LRP1B: variants seen among roughly 807,000 people sequenced by gnomAD.
LRP1B encodes LDL receptor related protein 1B.
A neutral mutation model predicts 556.6 loss-of-function variants in LRP1B; 217 were observed. The ratio of observed to expected loss-of-function variants is 0.39; its 90% CI spans 0.35 to 0.44. LRP1B has a LOEUF of 0.44. Ranked by LOEUF, LRP1B falls within the 20% of genes least tolerant of loss-of-function variation. The pLI is 1.00. For synonymous variants in LRP1B, 2,047 were observed against 1,865.8 expected, an observed-to-expected ratio of 1.10 and a Z score of -2.50; for missense variants, 5,053 against 5,620.8, an observed-to-expected ratio of 0.90 and a Z score of 3.23.
At chr2:140,778,788 T>C (rs1689588415) in intron 32 of LRP1B, among the ~76,000 whole-genome samples, 1 of 152,120 alleles carries the variant, frequency 6.6e-6, no homozygotes. Flanking sequence ...TCTATTCTAA[T>C]GCCACATATA....
chr2:140,409,235 C>T (rs935053097), intron 66 of LRP1B, among the ~76,000 whole-genome samples: 2 of 151,654 alleles, frequency 1.3e-5, no homozygotes, highest in African/African-American at 4.8e-5. Flanking sequence ...ATAGGCATAA[C>T]TTATAGATGT....
In LRP1B at chr2:140,757,263, T is replaced by C. The variant is rs559578677; in HGVS notation, c.5758+11950A>G. Among the ~76,000 whole-genome samples the C allele has an allele frequency of 1.4e-4, 22 of 152,256 alleles. No individual in the cohort carries two copies. The South Asian group carries it at 1.7e-3, about 11-fold the overall frequency. Reference sequence around the variant, plus strand: ...TGGCGGTTCTTCCAAAGTTTGAACATAAACAGTTACCATACCTGTCAAGTT... The same window carrying C: ...TGGCGGTTCTTCCAAAGTTTGAACACAAACAGTTACCATACCTGTCAAGTT... On this transcript the variant is annotated intron_variant, in intron 35 of 90. Transcript: ENST00000389484.
intron 32 of LRP1B, among the ~76,000 whole-genome samples, chr2:140,792,255 T>C (rs762713026): frequency 6.6e-6 from 1 of 152,136 alleles, no homozygotes; most frequent in Admixed American, 6.5e-5. Flanking sequence ...ATAAATATCG[T>C]ATGCCTTTTC....
intron 6 of LRP1B, among the ~76,000 whole-genome samples, chr2:141,218,472 G>T (rs1682904744): frequency 6.6e-6 from 1 of 152,122 alleles, no homozygotes; most frequent in African/African-American, 2.4e-5. Context: ...ATGAAATCAT[G>T]TCCTTTGCAG....
intron 1 of LRP1B, among the ~76,000 whole-genome samples, chr2:141,892,976 GA>G (rs1474237776): frequency 1.3e-5 from 2 of 152,248 alleles, no homozygotes; most frequent in East Asian, 3.9e-4. Flanking sequence ...GTGATTGGAA[GA>G]AATGTTTTAA....
At chr2:141,150,463 A>G (rs1032106079) in intron 7 of LRP1B, among the ~76,000 whole-genome samples, 1 of 152,010 alleles carries the variant, frequency 6.6e-6, no homozygotes, top group African/African-American at 2.4e-5. Flanking sequence ...CCTTCACTCT[A>G]TTTGGTCATT....
chr2:142,031,330 A>ATCTTTTTTTTTTTTTTT (rs1553506158), intron 1 of LRP1B, among the ~76,000 whole-genome samples: 1 of 117,050 alleles, frequency 8.5e-6, no homozygotes, highest in African/African-American at 2.9e-5. Flanking sequence ...GATTATACTT[A>ATCTTTTTTTTTTTTTTT]TTTTTTTTTT....
intron 3 of LRP1B, among the ~76,000 whole-genome samples, chr2:141,275,503 G>A (rs1685251973): frequency 6.6e-6 from 1 of 152,106 alleles, no homozygotes; most frequent in Non-Finnish European, 1.5e-5. Context: ...GAGCCCAGGA[G>A]TTTGAGATCA....
rs191647796 is a variant in LRP1B at position 141,794,087 on chromosome 2, T to C, written c.205+16192A>G. Among the ~76,000 whole-genome samples the C allele has an allele frequency of 2.4e-3, 367 of 152,072 alleles. 2 individuals carry two copies. The highest frequency in any genetic ancestry group is 8.4e-3 in the African/African-American group (349 of 41,550). On this transcript the variant is annotated intron_variant, in intron 2 of 90. Transcript: ENST00000389484. ...TAGGTCATCTAATCATCAGCCTTTT[T>C]TAAATTCCCATCCTTAGAAGGAATA...
intron 2 of LRP1B, among the ~76,000 whole-genome samples, chr2:141,707,657 T>C (rs1311720477): frequency 6.6e-6 from 1 of 152,154 alleles, no homozygotes; most frequent in Non-Finnish European, 1.5e-5. Context: ...TTATTCAGTG[T>C]CTGCCACGTG....
chr2:140,367,474 C>T (rs767647353), intron 71 of LRP1B, among the ~76,000 whole-genome samples: 2 of 151,608 alleles, frequency 1.3e-5, no homozygotes, highest in Admixed American at 6.6e-5. Context: ...TGTGAGACTC[C>T]GACAATTGAA....
intron 2 of LRP1B, among the ~76,000 whole-genome samples, chr2:141,656,720 C>T (rs1215083793): frequency 1.3e-5 from 2 of 152,150 alleles, no homozygotes; most frequent in Admixed American, 6.6e-5. Flanking sequence ...TTAAAGTTTA[C>T]ATGAGCTGAG....
intron 1 of LRP1B, among the ~76,000 whole-genome samples, chr2:142,016,161 C>T (rs1238684158): frequency 3.3e-5 from 5 of 151,888 alleles, no homozygotes; most frequent in African/African-American, 9.7e-5. Flanking sequence ...GAATGGCGAT[C>T]ATTAAATAGT....
chr2:141,500,483 A>G (rs1467833095), intron 2 of LRP1B, among the ~76,000 whole-genome samples: 1 of 152,126 alleles, frequency 6.6e-6, no homozygotes. Flanking sequence ...ACATAGTACT[A>G]GGTACCATAT....
intron 11 of LRP1B, among the ~76,000 whole-genome samples, chr2:141,047,298 G>A (rs879373230): frequency 2.0e-5 from 3 of 151,924 alleles, no homozygotes; most frequent in Non-Finnish European, 4.4e-5. Context: ...CAGGATTTAC[G>A]TTGCCTTAAT....
At chr2:140,653,525 T>G (rs1684762704) in intron 41 of LRP1B, among the ~76,000 whole-genome samples, 1 of 151,846 alleles carries the variant, frequency 6.6e-6, no homozygotes, top group Non-Finnish European at 1.5e-5. Context: ...ACGTAAAGAA[T>G]GACTATGGAA....
At chr2:140,252,104 A>AC (rs1681463251) in intron 86 of LRP1B, among the ~76,000 whole-genome samples, 1 of 148,772 alleles carries the variant, frequency 6.7e-6, no homozygotes, top group African/African-American at 2.5e-5. Context: ...AAAAACAAAA[A>AC]AAAACAGAAA....
intron 6 of LRP1B, among the ~76,000 whole-genome samples, chr2:141,212,503 C>G (rs2105256064): frequency 6.6e-6 from 1 of 150,556 alleles, no homozygotes; most frequent in South Asian, 2.1e-4. Context: ...CCAGGGTGGT[C>G]TTGATCTCCT....
chr2:141,569,467 G>A (rs1040292395), intron 2 of LRP1B, among the ~76,000 whole-genome samples: 4 of 151,094 alleles, frequency 2.6e-5, no homozygotes, highest in Admixed American at 2.6e-4. Context: ...TATCAGGAGA[G>A]GTTTATCTGG....
Sources: gnomAD v4.1 joint callset for allele counts (sites outside exome capture counted in the v4.1 genomes callset) on GRCh38, gnomAD v4.1.1 for gene constraint, MANE v1.5 for transcripts, NCBI Gene and HGNC (gene_info 2026-07-23, HGNC 2026-07-21) for gene names.